NRG1: variants seen among roughly 807,000 people sequenced by gnomAD.
NRG1 encodes the protein pro-neuregulin-1, membrane-bound isoform.
NRG1 carries 18 observed loss-of-function variants against 63.8 expected under a neutral mutation model. The ratio of observed to expected loss-of-function variants is 0.28; its 90% CI spans 0.19 to 0.42. The LOEUF is 0.42. Ranked by LOEUF, NRG1 falls within the 10% of genes least tolerant of loss-of-function variation. The probability of loss-of-function intolerance (pLI) is 1.00; values close to 1 mark genes in which losing one functional copy is unlikely to be tolerated. For synonymous variants in NRG1, 302 were observed against 301.3 expected, an observed-to-expected ratio of 1.00 and a Z score of -0.02; for missense variants, 762 against 814.7, an observed-to-expected ratio of 0.94 and a Z score of 0.79.
chr8:32,658,067 CT>C (rs1327366303), intron 5 of NRG1, among the ~76,000 whole-genome samples: 2 of 152,178 alleles, frequency 1.3e-5, no homozygotes, highest in African/African-American at 2.4e-5. Flanking sequence ...AAATTAACCC[CT>C]GACCAGTAAC....
At chr8:32,490,323 G>T (rs1826404323) in intron 1 of NRG1, among the ~76,000 whole-genome samples, 1 of 151,860 alleles carries the variant, frequency 6.6e-6, no homozygotes, top group Non-Finnish European at 1.5e-5. Flanking sequence ...AAAAACTGGG[G>T]GCCACACAAC....
At chr8:32,029,402 A>G (rs1217812609) in intron 1 of NRG1, 1 of 152,176 alleles carries the variant, frequency 6.6e-6, no homozygotes, top group Admixed American at 6.5e-5. Flanking sequence ...TTAGAACCAA[A>G]ACAGTTCTGA....
intron 1 of NRG1, among the ~76,000 whole-genome samples, chr8:31,726,841 T>C (rs1813497592): frequency 6.6e-6 from 1 of 151,612 alleles, no homozygotes; most frequent in Non-Finnish European, 1.5e-5. Flanking sequence ...CCCCAGGGAG[T>C]GGGTGAAAAC....
chr8:32,277,387 A>G (rs1020648628), intron 1 of NRG1, among the ~76,000 whole-genome samples: 2 of 152,332 alleles, frequency 1.3e-5, no homozygotes, highest in Non-Finnish European at 2.9e-5. Context: ...TTCACTTGGC[A>G]TAGAAATTAA....
chr8:31,903,148 C>CTTTTTTT lies in NRG1; in HGVS notation c.37+263729_37+263735dup, dbSNP rs35433200. 1.2e-3 allele frequency among the ~76,000 whole-genome samples: 155 copies of CTTTTTTT among 125,460 alleles called. 2 individuals carry two copies. The highest frequency in any genetic ancestry group is 4.6e-3 in the East Asian group (17 of 3,716). The allele number at this position is 125,460 out of a possible 152,430, so 82.3% of individuals were successfully genotyped here. A position where few individuals can be genotyped will look rare whatever the true frequency, so the allele number is the denominator to read the frequency against. ...GATGATTCTGGCCTAGAGCCTTCAA[C>CTTTTTTT]TTTTTTTTTTTTTTTTTTGAGATGG... On this transcript the variant is annotated intron_variant, in intron 1 of 10. Transcript: ENST00000519301.
At chr8:31,668,319 AG>A (rs71208136) in intron 1 of NRG1, among the ~76,000 whole-genome samples, 1 of 152,214 alleles carries the variant, frequency 6.6e-6, no homozygotes, top group Admixed American at 6.5e-5. Context: ...GTGGGTTAAT[AG>A]GTGCAGTTTT....
intron 3 of NRG1, among the ~76,000 whole-genome samples, chr8:32,608,083 G>GTTT (rs372730003): frequency 5.0e-5 from 5 of 99,328 alleles, no homozygotes; most frequent in African/African-American, 1.8e-4. Context: ...ATGAACCCAG[G>GTTT]TTTTTTTTGT....
At chr8:32,759,436 G>C (rs1830289517) in exon 10 of NRG1, 1 of 1,610,292 alleles carries the variant, frequency 6.2e-7, no homozygotes, top group Admixed American at 1.7e-5. Flanking sequence ...CCTAGCCACA[G>C]GTATGAGAAT....
At chr8:31,692,327 C>G (rs951591648) in intron 1 of NRG1, among the ~76,000 whole-genome samples, 3 of 152,144 alleles carry the variant, frequency 2.0e-5, no homozygotes, top group Admixed American at 6.5e-5. Flanking sequence ...ATTTGTAGAA[C>G]TTTCAACTTT....
chr8:32,645,001 G>C (rs1354064006), intron 5 of NRG1, among the ~76,000 whole-genome samples: 1 of 152,112 alleles, frequency 6.6e-6, no homozygotes, highest in Non-Finnish European at 1.5e-5. Flanking sequence ...TGGATGAAAT[G>C]CTGGTGTATT....
intron 1 of NRG1, among the ~76,000 whole-genome samples, chr8:32,231,022 A>G (rs946591002): frequency 2.6e-5 from 4 of 152,034 alleles, no homozygotes; most frequent in Non-Finnish European, 5.9e-5. Flanking sequence ...CCTTCTCCCC[A>G]TGCTGGCTAT....
intron 1 of NRG1, among the ~76,000 whole-genome samples, chr8:31,680,513 G>C (rs189108432): frequency 6.6e-6 from 1 of 151,264 alleles, no homozygotes; most frequent in African/African-American, 2.4e-5. Flanking sequence ...GTGTATATGT[G>C]CCACATTTTC....
chr8:32,738,799 C>T (rs1825714735), intron 6 of NRG1, among the ~76,000 whole-genome samples: 1 of 152,070 alleles, frequency 6.6e-6, no homozygotes, highest in Non-Finnish European at 1.5e-5. Flanking sequence ...TTCTGCTTTT[C>T]CCTTCCATCT....
rs555885890 is a variant in NRG1 at position 31,711,034 on chromosome 8, C to T, written c.37+71603C>T. ...CCTTTTGTAAACTATGTTTGTACTT[C>T]TATCAGTTTTTTTGATCTGCTTTAA... is the stretch of plus-strand genomic sequence containing the variant. On this transcript the variant is annotated intron_variant, in intron 1 of 10. Coordinates refer to the NRG1 transcript ENST00000519301. Among the ~76,000 whole-genome samples the T allele has an allele frequency of 1.3e-5, 2 of 152,212 alleles. 1 individual carries two copies. The highest frequency in any genetic ancestry group is 2.9e-5 in the Non-Finnish European group (2 of 67,974).
intron 5 of NRG1, among the ~76,000 whole-genome samples, chr8:32,726,031 G>T (rs1453101630): frequency 3.3e-5 from 5 of 151,854 alleles, no homozygotes; most frequent in Admixed American, 2.0e-4. Flanking sequence ...TATTCCTTTT[G>T]TTTAGTTTGT....
At chr8:32,421,755 T>A (rs1021896847) in intron 1 of NRG1, among the ~76,000 whole-genome samples, 1 of 152,170 alleles carries the variant, frequency 6.6e-6, no homozygotes, top group African/African-American at 2.4e-5. Flanking sequence ...GCATACACAG[T>A]GCAACATCTT....
chr8:32,489,664 T>C (rs1266429004), intron 1 of NRG1, among the ~76,000 whole-genome samples: 1 of 152,218 alleles, frequency 6.6e-6, no homozygotes, highest in Non-Finnish European at 1.5e-5. Flanking sequence ...TTATGGAAGC[T>C]AAATATTTAA....
In NRG1 at chr8:31,844,632, T is replaced by G. The variant is rs74545365; in HGVS notation, c.37+205201T>G. ...TTGTCAGCATTTTTCTGCTGCCCCTTTGAGCATCAGTTTACTCACTCATGT... is the reference window on the plus strand; with the variant it reads ...TTGTCAGCATTTTTCTGCTGCCCCTGTGAGCATCAGTTTACTCACTCATGT... On this transcript the variant is annotated intron_variant, in intron 1 of 10. Coordinates refer to the NRG1 transcript ENST00000519301. Among the ~76,000 whole-genome samples the G allele has an allele frequency of 4.7e-3, 723 of 152,282 alleles. 8 individuals are homozygous for G. Among genetic ancestry groups the G allele is most frequent in the African/African-American group, 0.016 (683 of 41,546 alleles).
chr8:31,672,665 T>A (rs529673584), intron 1 of NRG1, among the ~76,000 whole-genome samples: 21 of 152,286 alleles, frequency 1.4e-4, no homozygotes, highest in Non-Finnish European at 2.6e-4. Flanking sequence ...TTTTGTCATA[T>A]AACCTATATA....
Sources: allele counts gnomAD v4.1 joint callset (sites outside exome capture counted in the v4.1 genomes callset), GRCh38; gene constraint gnomAD v4.1.1; transcripts MANE v1.5; gene names NCBI Gene and HGNC (gene_info 2026-07-23, HGNC 2026-07-21).